ARFIP1: variants seen among roughly 807,000 people sequenced by gnomAD.
ARFIP1 encodes arfaptin-1.
In ARFIP1, 24 loss-of-function variants were observed where a neutral mutation model predicts 42.5. The observed-to-expected ratio is 0.57, with a 90% CI of 0.41 to 0.80. The LOEUF (loss-of-function observed/expected upper bound fraction) is 0.80. ARFIP1 is among the 30% of genes least tolerant of loss of function. ARFIP1 has a pLI of 0.00. For synonymous variants in ARFIP1, 141 were observed against 153.7 expected (o/e 0.92, Z 0.61); for missense variants, 354 against 434.0 (o/e 0.82, Z 1.64).
At chr4:152,862,088 T>A (rs747523221) in intron 2 of ARFIP1, among the ~76,000 whole-genome samples, 1 of 152,224 alleles carries the variant, frequency 6.6e-6, no homozygotes, top group Non-Finnish European at 1.5e-5. Flanking sequence ...TACCGCTATC[T>A]CTCAACATAG....
At chr4:152,840,871 C>G (rs1156385977) in intron 2 of ARFIP1, among the ~76,000 whole-genome samples, 1 of 148,578 alleles carries the variant, frequency 6.7e-6, no homozygotes, top group African/African-American at 2.5e-5. Flanking sequence ...AGGCACCCAC[C>G]ACCACGCCCA....
intron 1 of ARFIP1, among the ~76,000 whole-genome samples, chr4:152,792,098 C>A (rs778615927): frequency 2.6e-5 from 4 of 152,218 alleles, no homozygotes; most frequent in Admixed American, 6.5e-5. Flanking sequence ...TCTGGAATAT[C>A]AAGTCTAAAG....
At chr4:152,829,194 A>G (rs1471183725) in intron 1 of ARFIP1, among the ~76,000 whole-genome samples, 1 of 152,190 alleles carries the variant, frequency 6.6e-6, no homozygotes, top group African/African-American at 2.4e-5. Flanking sequence ...AAGTTTGTGG[A>G]TTTTTAAGCT....
chr4:152,810,975 A>C (rs894612216), intron 1 of ARFIP1, among the ~76,000 whole-genome samples: 1 of 151,732 alleles, frequency 6.6e-6, no homozygotes, highest in African/African-American at 2.4e-5. Context: ...GTGCTATTGC[A>C]TGTCTCTTTT....
chr4:152,809,862 A>G (rs973031132), intron 1 of ARFIP1: 4 of 152,230 alleles, frequency 2.6e-5, no homozygotes, highest in African/African-American at 9.6e-5. Flanking sequence ...TTCTGTTAGC[A>G]CTGGAGCAGT....
At chr4:152,883,000 G>A in intron 7 of ARFIP1, 120 bp downstream of exon 7, 1 of 1,081,316 alleles carries the variant, frequency 9.2e-7, no homozygotes, top group Non-Finnish European at 1.3e-6. Context: ...AAAATGTACT[G>A]GAAAGTTATA....
chr4:152,866,078 A>G (rs984736336), intron 3 of ARFIP1, among the ~76,000 whole-genome samples: 1 of 151,960 alleles, frequency 6.6e-6, no homozygotes, highest in Admixed American at 6.6e-5. Context: ...ACTCTTAACG[A>G]GCATGTTGCC....
chr4:152,862,613 TCA>T (rs1167963385), intron 2 of ARFIP1, among the ~76,000 whole-genome samples: 1 of 152,196 alleles, frequency 6.6e-6, no homozygotes, highest in African/African-American at 2.4e-5. Flanking sequence ...TAAACTACGA[TCA>T]GTCTAAAAAT....
chr4:152,872,603 A>G (rs1391424853), intron 5 of ARFIP1, 39 bp downstream of exon 5: 7 of 1,213,678 alleles, frequency 5.8e-6, no homozygotes, highest in Non-Finnish European at 8.1e-6. Context: ...AAATGGCTCT[A>G]AAAAAGTTCA....
intron 1 of ARFIP1, among the ~76,000 whole-genome samples, chr4:152,803,314 C>G (rs1728569370): frequency 1.3e-5 from 2 of 152,088 alleles, no homozygotes; most frequent in Non-Finnish European, 2.9e-5. Context: ...GTGAAAAGAC[C>G]CATAGGGCCT....
chr4:152,804,273 T>TA lies in ARFIP1; in HGVS notation c.-10+24048dup, dbSNP rs1162747121. 4.4e-5 allele frequency among the ~76,000 whole-genome samples: 4 copies of TA among 90,056 alleles called. 1 individual carries two copies. The highest frequency in any genetic ancestry group is 1.9e-4 in the African/African-American group (4 of 20,796). The allele number at this position is 90,056 out of a possible 152,430, so 59.1% of individuals were successfully genotyped here. On this transcript the variant is annotated intron_variant, in intron 1 of 8. Coordinates refer to ENST00000353617, the MANE Select transcript of ARFIP1 (RefSeq NM_001025595.3). ...AATATAACATGTATTATATATTATATATATAACATAACATGTATTATATAT... is the reference window on the plus strand; with the variant it reads ...AATATAACATGTATTATATATTATATAATATAACATAACATGTATTATATAT...
chr4:152,879,475 C>T (rs1398465761), intron 5 of ARFIP1, among the ~76,000 whole-genome samples: 1 of 152,172 alleles, frequency 6.6e-6, no homozygotes, highest in Admixed American at 6.5e-5. Context: ...CCTCTTATTT[C>T]ATGCATTATT....
At chr4:152,876,505 G>A (rs1471437219) in intron 5 of ARFIP1, among the ~76,000 whole-genome samples, 2 of 152,200 alleles carry the variant, frequency 1.3e-5, no homozygotes, top group Non-Finnish European at 2.9e-5. Context: ...TACTGTTAAA[G>A]GCATTCAGTT....
chr4:152,877,165 C>T (rs1735426406), intron 5 of ARFIP1, among the ~76,000 whole-genome samples: 1 of 152,132 alleles, frequency 6.6e-6, no homozygotes, highest in Non-Finnish European at 1.5e-5. Context: ...ATGGTAGATC[C>T]ACCGATAGCT....
Position 152,881,086 on chromosome 4 carries a change from G to A in ARFIP1, c.535G>A (p.Ala179Thr), listed in dbSNP as rs777560559. 6.2e-7 allele frequency: 1 copy of A among 1,613,810 alleles called. No homozygotes were observed. The highest frequency in any genetic ancestry group is 1.1e-5 in the South Asian group (1 of 91,060). The change falls in exon 6 of 9, where the codon GCT (alanine) becomes ACT (threonine). Residue 179 changes from alanine (A) to threonine (T), a missense_variant. By Grantham distance (58) the Ala-to-Thr change is moderately conservative. Coordinates refer to ENST00000353617, the MANE Select transcript of ARFIP1 (RefSeq NM_001025595.3). ...KKKYENILKL[A>T]QTLSTQLFQM... Reference sequence around the variant, plus strand: ...AAAATATGAAAATATTTTAAAACTGGCTCAAACATTGTCGACCCAGCTTTT... The same window carrying A: ...AAAATATGAAAATATTTTAAAACTGACTCAAACATTGTCGACCCAGCTTTT...
intron 3 of ARFIP1, among the ~76,000 whole-genome samples, chr4:152,865,325 C>T (rs1027390091): frequency 2.6e-5 from 4 of 151,820 alleles, no homozygotes; most frequent in African/African-American, 7.3e-5. Flanking sequence ...TTAGTAGAGA[C>T]GGGGTTTCAC....
intron 7 of ARFIP1, among the ~76,000 whole-genome samples, chr4:152,886,322 C>T (rs1409627136): frequency 1.3e-5 from 2 of 152,024 alleles, no homozygotes; most frequent in East Asian, 1.9e-4. Flanking sequence ...ACTTCTCCTA[C>T]TGGATTAAAT....
chr4:152,841,800 T>C (rs1037335962), intron 2 of ARFIP1, among the ~76,000 whole-genome samples: 2 of 152,166 alleles, frequency 1.3e-5, no homozygotes, highest in Non-Finnish European at 2.9e-5. Flanking sequence ...ACCTTGTGCT[T>C]CTGTCTCACA....
At chr4:152,909,975 A>T in intron 8 of ARFIP1, 89 bp from the exon 9 acceptor site, 2 of 1,469,212 alleles carry the variant, frequency 1.4e-6, no homozygotes, top group Non-Finnish European at 1.9e-6. Context: ...AGAGAGATAC[A>T]CTATTTAATT....
Sources: allele counts gnomAD v4.1 joint callset (sites outside exome capture counted in the v4.1 genomes callset), GRCh38; gene constraint gnomAD v4.1.1; transcripts MANE v1.5; gene names NCBI Gene and HGNC (gene_info 2026-07-23, HGNC 2026-07-21).